NPAS3: variants seen among roughly 807,000 people sequenced by gnomAD.
NPAS3 encodes neuronal PAS domain protein 3.
In NPAS3, 14 loss-of-function variants were observed where a neutral mutation model predicts 73.1. The ratio of observed to expected loss-of-function variants is 0.19; its 90% CI spans 0.13 to 0.30. NPAS3 has a LOEUF of 0.30. Ranked by LOEUF, NPAS3 falls within the 10% of genes least tolerant of loss-of-function variation. NPAS3 has a pLI of 1.00. For synonymous variants in NPAS3, 620 were observed against 541.5 expected (o/e 1.14, Z -2.01); for missense variants, 1,096 against 1,250.0 (o/e 0.88, Z 1.86).
chr14:33,202,054 T>C (rs1381556115), intron 2 of NPAS3, among the ~76,000 whole-genome samples: 4 of 152,230 alleles, frequency 2.6e-5, no homozygotes, highest in African/African-American at 7.2e-5. Context: ...TTTTAAAATG[T>C]GCCTAATTAT....
In NPAS3 at chr14:33,183,421, GTTTTTTTTTTTTTTTT is replaced by G. The variant is rs55643715; in HGVS notation, c.141-31740_141-31725del. ...AGCCTGGGCGACAGAGTGAGACTCT[GTTTTTTTTTTTTTTTT>G]TTTTTTTTTTTTTTTTTTTTGAAAC... On this transcript the variant is annotated intron_variant, in intron 2 of 11. Transcript: ENST00000356141. Among the ~76,000 whole-genome samples the G allele has an allele frequency of 9.4e-3, 572 of 60,782 alleles. 7 individuals are homozygous for G. Among genetic ancestry groups the G allele is most frequent in the Middle Eastern group, 0.067 (7 of 104 alleles). 39.9% of individuals were successfully genotyped at this position (60,782 alleles called of 152,430 possible). A position where few individuals can be genotyped will look rare whatever the true frequency, so the allele number is the denominator to read the frequency against.
rs531096246 is a variant in NPAS3, at chr14:33,523,616, T to C, written c.469-36505T>C. The stretch of plus-strand genomic sequence containing the variant: ...CGTCTCCACTAAAAATACAAAAAGA[T>C]AAAAATTAAAAAAAATAGCCGGGCG... On this transcript the variant is annotated intron_variant, in intron 4 of 11. Transcript: ENST00000356141. Among the ~76,000 whole-genome samples, 4 of 151,228 alleles carry C rather than the reference T, an allele frequency of 2.6e-5. No individual in the cohort carries two copies. In the East Asian group the frequency reaches 7.8e-4, roughly 30 times the overall value.
At chr14:33,795,616 T>C (rs150262553) in intron 10 of NPAS3, among the ~76,000 whole-genome samples, 2 of 152,160 alleles carry the variant, frequency 1.3e-5, no homozygotes, top group African/African-American at 2.4e-5. Context: ...GGCTCCCATG[T>C]TGATGAAACA....
intron 8 of NPAS3, 64 bp downstream of exon 8, chr14:33,774,594 GC>G (rs1233990274): frequency 1.5e-6 from 2 of 1,336,342 alleles, no homozygotes; most frequent in African/African-American, 2.9e-5. Flanking sequence ...TTGTGTTTCA[GC>G]CGTCTGAAGG....
intron 1 of NPAS3, among the ~76,000 whole-genome samples, chr14:33,045,847 G>A (rs1009713471): frequency 2.6e-5 from 4 of 152,136 alleles, no homozygotes; most frequent in African/African-American, 4.8e-5. Flanking sequence ...TAAATTAAAC[G>A]AGAAGGAAAC....
chr14:33,001,950 C>A (rs1288216602), intron 1 of NPAS3, among the ~76,000 whole-genome samples: 1 of 152,172 alleles, frequency 6.6e-6, no homozygotes, highest in Non-Finnish European at 1.5e-5. Flanking sequence ...AGGCTCTACT[C>A]CAGGCAGACT....
intron 5 of NPAS3, among the ~76,000 whole-genome samples, chr14:33,628,073 G>A (rs1442041757): frequency 6.6e-6 from 1 of 152,182 alleles, no homozygotes; most frequent in Non-Finnish European, 1.5e-5. Flanking sequence ...CTGCATCACA[G>A]AATTCTCTAA....
At chr14:33,540,175 G>C (rs2054446456) in intron 4 of NPAS3, among the ~76,000 whole-genome samples, 1 of 152,132 alleles carries the variant, frequency 6.6e-6, no homozygotes, top group Admixed American at 6.6e-5. Flanking sequence ...AGAATGTGAG[G>C]ATGTGACCTC....
At chr14:33,265,436 C>T (rs1477197679) in intron 3 of NPAS3, among the ~76,000 whole-genome samples, 1 of 152,154 alleles carries the variant, frequency 6.6e-6, no homozygotes, top group Non-Finnish European at 1.5e-5. Flanking sequence ...TTCACAATCT[C>T]TATTATATGC....
Position 33,800,166 on chromosome 14 carries a change from C to T in NPAS3, c.1859C>T (p.Ala620Val), listed in dbSNP as rs1387143962. ...GCCAGCCGCCGGCGCCTGTCCAGCGCGTCGAGCCCAGGCGGCCTGGACGCG... is the reference window on the plus strand; with the variant it reads ...GCCAGCCGCCGGCGCCTGTCCAGCGTGTCGAGCCCAGGCGGCCTGGACGCG... The change falls in exon 12 of 12, where the codon GCG becomes GTG. Residue 620 changes from alanine to valine, a missense_variant. Ala to Val is a moderately conservative substitution (Grantham distance 64). Coordinates refer to ENST00000356141, the Ensembl canonical transcript of NPAS3. This position sits in a 1 kb window ranked among gnomAD's most constrained non-coding sequence, Gnocchi z 6.5. 1 of 1,606,102 alleles carries T rather than the reference C, an allele frequency of 6.2e-7. No homozygotes were observed. Among genetic ancestry groups the T allele is most frequent in the Admixed American group, 1.7e-5 (1 of 59,080 alleles).
intron 3 of NPAS3, among the ~76,000 whole-genome samples, chr14:33,308,722 A>C (rs1278948170): frequency 6.6e-6 from 1 of 151,808 alleles, no homozygotes; most frequent in Admixed American, 6.6e-5. Flanking sequence ...TTGATCTTTC[A>C]TCTGTTTGCA....
intron 4 of NPAS3, among the ~76,000 whole-genome samples, chr14:33,529,235 G>C (rs764316959): frequency 3.7e-4 from 56 of 152,180 alleles, no homozygotes; most frequent in Admixed American, 5.9e-4. Flanking sequence ...AGGTAGCTTA[G>C]TTTACTCAAG....
At chr14:33,192,331 A>G (rs2046199852) in intron 2 of NPAS3, among the ~76,000 whole-genome samples, 1 of 152,238 alleles carries the variant, frequency 6.6e-6, no homozygotes, top group East Asian at 1.9e-4. Flanking sequence ...GGACCGTAAA[A>G]GGAAGAAACC....
chr14:33,286,298 G>A (rs1018721414), intron 3 of NPAS3, among the ~76,000 whole-genome samples: 1 of 152,148 alleles, frequency 6.6e-6, no homozygotes, highest in Non-Finnish European at 1.5e-5. Context: ...ATACTTGGTA[G>A]AGTTGATTTA....
chr14:33,202,429 G>A (rs550193468), intron 2 of NPAS3, among the ~76,000 whole-genome samples: 37 of 151,960 alleles, frequency 2.4e-4, no homozygotes, highest in Non-Finnish European at 4.4e-4. Flanking sequence ...AAATGTTACC[G>A]ATATTTGTCA....
chr14:33,149,656 G>C (rs1267229786), intron 2 of NPAS3, among the ~76,000 whole-genome samples: 1 of 152,110 alleles, frequency 6.6e-6, no homozygotes. Context: ...TGGGTACCTT[G>C]AAAAATATTT....
intron 5 of NPAS3, among the ~76,000 whole-genome samples, chr14:33,632,634 G>C (rs988249284): frequency 6.6e-6 from 1 of 152,054 alleles, no homozygotes; most frequent in African/African-American, 2.4e-5. Flanking sequence ...CAGATCTACA[G>C]ATCCAAGTCC....
At chr14:33,528,588 AT>A (rs2053905559) in intron 4 of NPAS3, among the ~76,000 whole-genome samples, 1 of 152,002 alleles carries the variant, frequency 6.6e-6, no homozygotes, top group African/African-American at 2.4e-5. Flanking sequence ...GAAATCCTTC[AT>A]GCTTTTGTCA....
chr14:33,214,480 A>G (rs2047148839), intron 2 of NPAS3: 1 of 152,198 alleles, frequency 6.6e-6, no homozygotes, highest in African/African-American at 2.4e-5. Context: ...TCTTTGGGCA[A>G]TATATTTTAT....
Sources: gnomAD v4.1 joint callset for allele counts (sites outside exome capture counted in the v4.1 genomes callset) on GRCh38, gnomAD v4.1.1 for gene constraint, Gnocchi (gnomAD v3.1) non-coding constraint, MANE v1.5 for transcripts, NCBI Gene and HGNC (gene_info 2026-07-23, HGNC 2026-07-21) for gene names.